Variants in MYPN observed in about 807,000 individuals in gnomAD.
The protein encoded by MYPN is sarcomeric protein myopalladin, 145 kDa (MYOP).
Under a neutral mutation model 129.4 loss-of-function variants are expected in MYPN, and 63 were observed. The observed-to-expected ratio is 0.49, with a 90% CI of 0.40 to 0.60. The LOEUF is 0.60. Ranked by LOEUF, MYPN falls within the 20% of genes least tolerant of loss-of-function variation. The pLI is 0.00. For synonymous variants in MYPN, 629 were observed against 600.9 expected (o/e 1.05, Z -0.68); for missense variants, 1,596 against 1,635.4 (o/e 0.98, Z 0.42).
intron 1 of MYPN, among the ~76,000 whole-genome samples, chr10:68,100,615 G>A (rs556152080): frequency 6.6e-6 from 1 of 152,208 alleles, no homozygotes; most frequent in African/African-American, 2.4e-5. Context: ...TTGGGCAAAG[G>A]TAGTCAGAAA....
intron 1 of MYPN, among the ~76,000 whole-genome samples, chr10:68,091,191 G>T (rs1235310809): frequency 6.6e-6 from 1 of 151,978 alleles, no homozygotes; most frequent in East Asian, 1.9e-4. Context: ...ATTGATTATG[G>T]CATCTTGTGA....
chr10:68,121,367 G>A, intron 1 of MYPN, 71 bp from the exon 2 acceptor site: 1 of 1,345,074 alleles, frequency 7.4e-7, no homozygotes, highest in South Asian at 1.3e-5. Flanking sequence ...AGTCTGCAGT[G>A]CTATAATAGA....
chr10:68,142,289 T>C (rs2042589839), intron 2 of MYPN, among the ~76,000 whole-genome samples: 1 of 152,222 alleles, frequency 6.6e-6, no homozygotes, highest in South Asian at 2.1e-4. Flanking sequence ...TAAACATTAT[T>C]TTATATAGTA....
chr10:68,132,985 C>T (rs1255325393), intron 2 of MYPN, among the ~76,000 whole-genome samples: 1 of 150,636 alleles, frequency 6.6e-6, no homozygotes, highest in African/African-American at 2.4e-5. Flanking sequence ...CAAAACCTAA[C>T]TGGAAAACCA....
chr10:68,094,473 T>G (rs151132140), intron 1 of MYPN, among the ~76,000 whole-genome samples: 3,414 of 151,724 alleles, frequency 0.023, 145 homozygotes, highest in African/African-American at 0.078. Flanking sequence ...TGTTGGCCAG[T>G]CTGGTCTTCA....
intron 12 of MYPN, 131 bp downstream of exon 12, chr10:68,175,592 C>A: frequency 1.0e-6 from 1 of 1,002,478 alleles, no homozygotes; most frequent in Non-Finnish European, 1.6e-6. Context: ...AGAGCACAGA[C>A]TAACCAAAGG....
At position 68,195,436 on chromosome 10, in the gene MYPN, T is replaced by C. The variant is rs770599817; in HGVS notation, c.3076-14T>C. ...TTGTTCTTGTTTTAATCTTGCTCTT[T>C]TTCTGTTTGTCAGGGGAGAATCAGC... On this transcript the variant is annotated splice_polypyrimidine_tract_variant and intron_variant, in intron 14 of 19. Coordinates refer to ENST00000358913, the MANE Select transcript of MYPN (RefSeq NM_032578.4). 1.2e-6 allele frequency: 2 copies of C among 1,613,192 alleles called. No individual in the cohort carries two copies. The highest frequency in any genetic ancestry group is 1.7e-6 in the Non-Finnish European group (2 of 1,179,164).
chr10:68,202,217 G>T (rs2043728744), intron 18 of MYPN, among the ~76,000 whole-genome samples: 1 of 152,204 alleles, frequency 6.6e-6, no homozygotes, highest in African/African-American at 2.4e-5. Flanking sequence ...TGGATCACGA[G>T]GTCAGGAGAT....
chr10:68,088,074 A>G (rs570058455), intron 1 of MYPN, among the ~76,000 whole-genome samples: 10 of 152,332 alleles, frequency 6.6e-5, no homozygotes, highest in Non-Finnish European at 1.0e-4. Context: ...GAAATATTTA[A>G]TACTGTCCCA....
intron 10 of MYPN, among the ~76,000 whole-genome samples, chr10:68,169,071 C>T (rs1014814358): frequency 7.0e-6 from 1 of 143,868 alleles, no homozygotes; most frequent in Non-Finnish European, 1.5e-5. Context: ...TCCGGCCAGG[C>T]ATGGTGGCTC....
At chr10:68,145,557 G>A (rs1416167186) in intron 4 of MYPN, 31 bp downstream of exon 4, 1 of 1,573,010 alleles carries the variant, frequency 6.4e-7, no homozygotes, top group African/African-American at 1.4e-5. Context: ...TATAGCTTTA[G>A]CATCCTCAGA....
chr10:68,179,866 A>G (rs2043287488), intron 12 of MYPN, among the ~76,000 whole-genome samples: 1 of 152,174 alleles, frequency 6.6e-6, no homozygotes, highest in African/African-American at 2.4e-5. Context: ...GGTTTCGCCA[A>G]GATGAAATCT....
In MYPN at chr10:68,192,676, G is replaced by T. The variant is rs117869069; in HGVS notation, c.2926-1687G>T. Among the ~76,000 whole-genome samples, 1,129 of 150,972 alleles carry T rather than the reference G, an allele frequency of 7.5e-3. 27 individuals are homozygous for T. In the East Asian group the frequency reaches 0.075, roughly 10 times the overall value. On this transcript the variant is annotated intron_variant, in intron 13 of 19. Transcript: ENST00000358913. The stretch of plus-strand genomic sequence containing the variant: ...TTGGATGGGAGACTTTTTCGTTACT[G>T]CTTCAATCTCATCACTCATTATTGG...
chr10:68,092,247 T>C (rs1386024208), intron 1 of MYPN, among the ~76,000 whole-genome samples: 2 of 152,096 alleles, frequency 1.3e-5, no homozygotes, highest in Admixed American at 6.5e-5. Context: ...TCCCAGCACT[T>C]TGGGAGACCC....
In MYPN at chr10:68,122,035, C is replaced by T. The variant is rs778049757; in HGVS notation, c.597C>T (p.Phe199=). The T allele has an allele frequency of 3.3e-5, 54 of 1,614,092 alleles. No homozygotes were observed. The Middle Eastern group carries it at 2.0e-3, about 59-fold the overall frequency. ...NKVMQENSSS[F]SDLSERRERS... ...TTATGCAGGAAAACAGCTCCAGTTT[C>T]TCAGATCTGTCAGAAAGACGAGAAA... Residue 199 remains phenylalanine, a synonymous_variant, in exon 2 of 20, where the codon TTC becomes TTT. Coordinates refer to ENST00000358913, the MANE Select transcript of MYPN (RefSeq NM_032578.4).
At chr10:68,182,221 TAACAC>T (rs759327211) in intron 12 of MYPN, among the ~76,000 whole-genome samples, 29,572 of 140,696 alleles carry the variant, frequency 0.21, 5,986 homozygotes, top group East Asian at 0.53. Context: ...TATATATATA[TAACAC>T]ATATATATAT....
At chr10:68,114,569 G>A (rs534091453) in intron 1 of MYPN, among the ~76,000 whole-genome samples, 98 of 152,032 alleles carry the variant, frequency 6.4e-4, no homozygotes, top group African/African-American at 1.6e-3. Context: ...GGCTGGTCTC[G>A]AACACCTGAC....
At chr10:68,171,042 A>G (rs2043135859) in intron 10 of MYPN, among the ~76,000 whole-genome samples, 1 of 151,350 alleles carries the variant, frequency 6.6e-6, no homozygotes, top group Non-Finnish European at 1.5e-5. Context: ...CCAGCTACTT[A>G]GGAGGCTGAG....
chr10:68,168,014 C>G (rs2043080710), intron 10 of MYPN, among the ~76,000 whole-genome samples: 1 of 152,196 alleles, frequency 6.6e-6, no homozygotes, highest in Admixed American at 6.5e-5. Context: ...GCTTGCGCGG[C>G]TGGTTCGCCC....
Sources: gnomAD v4.1 joint callset for allele counts (sites outside exome capture counted in the v4.1 genomes callset) on GRCh38, gnomAD v4.1.1 for gene constraint, MANE v1.5 for transcripts, NCBI Gene and HGNC (gene_info 2026-07-23, HGNC 2026-07-21) for gene names.